The following MICAL2 variants were observed in gnomAD, a reference collection of about 807,000 sequenced individuals.
MICAL2 encodes microtubule associated monooxygenase, calponin and LIM domain containing 2.
A neutral mutation model predicts 127.3 loss-of-function variants in MICAL2; 77 were observed. The ratio of observed to expected loss-of-function variants is 0.60; its 90% CI spans 0.50 to 0.73. The LOEUF (loss-of-function observed/expected upper bound fraction) is 0.73, where lower values mean the gene tolerates loss of function less well. MICAL2 is among the 30% of genes least tolerant of loss of function. MICAL2 has a pLI of 0.00. For synonymous variants in MICAL2, 570 were observed against 551.1 expected (o/e 1.03, Z -0.48); for missense variants, 1,351 against 1,434.4 (o/e 0.94, Z 0.94).
chr11:12,228,338 CAAA>C (rs1158785303), intron 15 of MICAL2, among the ~76,000 whole-genome samples: 1 of 152,014 alleles, frequency 6.6e-6, no homozygotes, highest in Non-Finnish European at 1.5e-5. Flanking sequence ...TTAAAAAAAA[CAAA>C]AAATTGGAGG....
chr11:12,214,823 TCACACACA>T (rs72173748), intron 7 of MICAL2, among the ~76,000 whole-genome samples: 3 of 149,326 alleles, frequency 2.0e-5, no homozygotes, highest in Non-Finnish European at 3.0e-5. Flanking sequence ...AGCTGGTCCA[TCACACACA>T]CACACACACA....
chr11:12,143,609 C>T (rs78589066), intron 2 of MICAL2, among the ~76,000 whole-genome samples: 3,209 of 152,166 alleles, frequency 0.021, 103 homozygotes, highest in African/African-American at 0.072. Context: ...TGGGGTGGGA[C>T]GGGCCACACC....
chr11:12,279,820 C>G (rs370035112), intron 1 of MICAL2, among the ~76,000 whole-genome samples: 10 of 152,326 alleles, frequency 6.6e-5, no homozygotes, highest in Middle Eastern at 3.4e-3. Context: ...CTGCTACTCC[C>G]ACATCACATA....
At chr11:12,240,008 T>C (rs944520424) in intron 17 of MICAL2, among the ~76,000 whole-genome samples, 2 of 152,236 alleles carry the variant, frequency 1.3e-5, no homozygotes, top group African/African-American at 2.4e-5. Flanking sequence ...TTTGAGGTGA[T>C]ACAGTTTGAA....
chr11:12,321,867 A>G (rs561770311), intron 30 of MICAL2, among the ~76,000 whole-genome samples: 234 of 152,044 alleles, frequency 1.5e-3, no homozygotes, highest in African/African-American at 5.5e-3. Flanking sequence ...AGTGGTCTTC[A>G]TTTAGGGGGA....
intron 1 of MICAL2, among the ~76,000 whole-genome samples, chr11:12,278,342 T>A (rs1863741208): frequency 6.6e-6 from 1 of 152,252 alleles, no homozygotes; most frequent in African/African-American, 2.4e-5. Flanking sequence ...AGCTTTTTTA[T>A]TCTTTACTTC....
At chr11:12,325,879 G>A (rs1864348770) in intron 31 of MICAL2, among the ~76,000 whole-genome samples, 1 of 152,192 alleles carries the variant, frequency 6.6e-6, no homozygotes, top group African/African-American at 2.4e-5. Context: ...AGCCATTTAG[G>A]TGCTTCCTTT....
chr11:12,304,230 A>G (rs904520213), intron 29 of MICAL2, among the ~76,000 whole-genome samples: 5 of 152,184 alleles, frequency 3.3e-5, no homozygotes, highest in Non-Finnish European at 5.9e-5. Flanking sequence ...TTTCACAGTC[A>G]TATCTATGAT....
chr11:12,224,679 A>T lies in MICAL2; in HGVS notation c.1547A>T (p.Asp516Val). The T allele has an allele frequency of 6.2e-7, 1 of 1,613,806 alleles. No individual in the cohort carries two copies. The highest frequency in any genetic ancestry group is 8.5e-7 in the Non-Finnish European group (1 of 1,179,750). Residue 516 changes from aspartate to valine, a missense_variant, in exon 13 of 28, where the codon GAT becomes GTT. Physicochemically the swap from Asp to Val is radical, Grantham distance 152 (BLOSUM62 -3). This residue lies in a region of MICAL2 where 599 missense variants were observed against 714.9 expected (regional missense o/e 0.84). Transcript: ENST00000683283. ...TGCGCTCTCCTTCTTGCAGAGTCAG[A>T]TATCCGGCCCAGCAAGCTCCTGACC... Reference protein sequence around the residue: ...RSVNLSRKESDIRPSKLLTWC... With the variant: ...RSVNLSRKESVIRPSKLLTWC...
intron 2 of MICAL2, among the ~76,000 whole-genome samples, chr11:12,145,514 G>C (rs1020323989): frequency 1.3e-5 from 2 of 152,130 alleles, no homozygotes; most frequent in Non-Finnish European, 2.9e-5. Context: ...TGCATACCTA[G>C]CCAACCCTAG....
At chr11:12,256,764 C>A (rs751809210) in intron 23 of MICAL2, 21 bp from the exon 24 acceptor site, 2 of 1,590,044 alleles carry the variant, frequency 1.3e-6, no homozygotes, top group Non-Finnish European at 1.7e-6. Context: ...AATACACCCA[C>A]TCTTCTCTCC....
chr11:12,152,514 G>T (rs148716027), intron 2 of MICAL2, among the ~76,000 whole-genome samples: 5 of 152,006 alleles, frequency 3.3e-5, no homozygotes, highest in African/African-American at 1.2e-4. Context: ...TGGGTAGGGC[G>T]ATGTATGGTA....
intron 32 of MICAL2, among the ~76,000 whole-genome samples, chr11:12,336,019 A>T (rs562134465): frequency 1.3e-5 from 2 of 152,330 alleles, no homozygotes; most frequent in East Asian, 3.9e-4. Context: ...TGGGGATGGC[A>T]TTGAATCTAT....
At chr11:12,135,607 G>C (rs775153208) in intron 1 of MICAL2, among the ~76,000 whole-genome samples, 1 of 152,186 alleles carries the variant, frequency 6.6e-6, no homozygotes, top group African/African-American at 2.4e-5. Context: ...AGAAATTGAG[G>C]CTCACAGAGA....
intron 3 of MICAL2, among the ~76,000 whole-genome samples, chr11:12,170,448 C>G (rs1856102297): frequency 6.6e-6 from 1 of 151,592 alleles, no homozygotes; most frequent in Non-Finnish European, 1.5e-5. Flanking sequence ...GACCCCATCT[C>G]AAAAAAATAA....
chr11:12,139,093 A>G (rs1156374606), intron 2 of MICAL2, among the ~76,000 whole-genome samples: 1 of 152,088 alleles, frequency 6.6e-6, no homozygotes, highest in Non-Finnish European at 1.5e-5. Flanking sequence ...TCATTGCCAA[A>G]CAGGGAGACT....
intron 1 of MICAL2, among the ~76,000 whole-genome samples, chr11:12,136,395 C>T (rs4414199): frequency 0.044 from 6,651 of 152,146 alleles, 497 homozygotes; most frequent in African/African-American, 0.15. Context: ...GTAATGATAC[C>T]GTACTACCTG....
At chr11:12,257,246 T>C (rs1862453688) in intron 24 of MICAL2, 1 of 363,116 alleles carries the variant, frequency 2.8e-6, no homozygotes, top group African/African-American at 2.1e-5. Context: ...CCTCTTCTTA[T>C]GTAGCCTCAC....
At chr11:12,304,054 G>T (rs1350829540) in intron 29 of MICAL2, among the ~76,000 whole-genome samples, 1 of 152,002 alleles carries the variant, frequency 6.6e-6, no homozygotes, top group Non-Finnish European at 1.5e-5. Context: ...TAAATAAAAA[G>T]TTGAAATGAT....
Sources: allele counts gnomAD v4.1 joint callset (sites outside exome capture counted in the v4.1 genomes callset), GRCh38; gene constraint gnomAD v4.1.1; regional missense constraint gnomAD v4.1.1; transcripts MANE v1.5; gene names NCBI Gene and HGNC (gene_info 2026-07-23, HGNC 2026-07-21).